The following TFEC variants were observed in gnomAD, a reference collection of about 807,000 sequenced individuals.
TFEC encodes transcription factor EC, also known as class E basic helix-loop-helix protein 34.
In TFEC, 31 loss-of-function variants were observed where a neutral mutation model predicts 41.6. That is an observed-to-expected ratio of 0.74 (90% confidence interval 0.56 to 1.01). The LOEUF (loss-of-function observed/expected upper bound fraction) is 1.01, where lower values mean the gene tolerates loss of function less well. Ranked by LOEUF, TFEC falls within the 50% of genes least tolerant of loss-of-function variation. The pLI is 0.00. For missense variants in TFEC, 402 were observed against 404.1 expected, an observed-to-expected ratio of 0.99 and a Z score of 0.04; for synonymous variants, 143 against 140.6, an observed-to-expected ratio of 1.02 and a Z score of -0.12.
At chr7:116,057,199 T>C (rs577877868) in intron 3 of TFEC, among the ~76,000 whole-genome samples, 38 of 152,110 alleles carry the variant, frequency 2.5e-4, no homozygotes, top group East Asian at 1.3e-3. Flanking sequence ...CTAAAATGTA[T>C]ATCATTACAG....
At chr7:116,085,690 A>G (rs913788227) in intron 3 of TFEC, among the ~76,000 whole-genome samples, 1 of 151,956 alleles carries the variant, frequency 6.6e-6, no homozygotes, top group South Asian at 2.1e-4. Flanking sequence ...AATGAGTCCA[A>G]AATGAAGCTA....
chr7:115,988,860 A>C (rs1165176247), intron 1 of TFEC, among the ~76,000 whole-genome samples: 2 of 152,106 alleles, frequency 1.3e-5, no homozygotes, highest in Non-Finnish European at 2.9e-5. Context: ...AAAAATCTAG[A>C]AGAAAAAGCA....
intron 1 of TFEC, among the ~76,000 whole-genome samples, chr7:116,148,765 A>T (rs1219217826): frequency 6.6e-6 from 1 of 151,742 alleles, no homozygotes; most frequent in African/African-American, 2.4e-5. Context: ...GATGCAAACC[A>T]GAAGTTGCAC....
In TFEC at chr7:115,939,177, A is replaced by G. The variant is rs922229136; in HGVS notation, c.*1374T>C. On this transcript the variant is annotated 3_prime_UTR_variant, in exon 8 of 8. Coordinates refer to ENST00000265440, the MANE Select transcript of TFEC (RefSeq NM_012252.4). Reference sequence around the variant, plus strand: ...TGTTTTTCATGCATTCTCATTAACTACCTTAGGAGTAAGACCATATCTTTT... The same window carrying G: ...TGTTTTTCATGCATTCTCATTAACTGCCTTAGGAGTAAGACCATATCTTTT... 2.0e-5 allele frequency: 3 copies of G among 152,026 alleles called. No homozygotes were observed. Among genetic ancestry groups the G allele is most frequent in the African/African-American group, 4.8e-5 (2 of 41,494 alleles). 9.4% of individuals were successfully genotyped at this position (152,026 alleles called of 1,614,324 possible).
chr7:116,142,893 A>G (rs564291554), intron 1 of TFEC, among the ~76,000 whole-genome samples: 1 of 152,348 alleles, frequency 6.6e-6, no homozygotes, highest in South Asian at 2.1e-4. Flanking sequence ...ATAATAAAAA[A>G]TTGAATGCCT....
intron 1 of TFEC, among the ~76,000 whole-genome samples, chr7:116,130,045 A>AACACACACACACACAC (rs56872188): frequency 2.2e-4 from 32 of 142,244 alleles, no homozygotes; most frequent in East Asian, 1.9e-3. Context: ...AACATGCAAG[A>AACACACACACACACAC]ACACACACAC....
chr7:116,093,714 A>G (rs1332260686), intron 3 of TFEC, among the ~76,000 whole-genome samples: 1 of 152,148 alleles, frequency 6.6e-6, no homozygotes, highest in East Asian at 1.9e-4. Flanking sequence ...ATATTATGAC[A>G]TCATTGATTT....
chr7:116,020,790 G>A (rs1480085832), intron 1 of TFEC, among the ~76,000 whole-genome samples: 1 of 151,856 alleles, frequency 6.6e-6, no homozygotes, highest in African/African-American at 2.4e-5. Context: ...TTAAGTACAG[G>A]AGATAGCATC....
chr7:115,989,595 G>A (rs1193300882), intron 1 of TFEC, among the ~76,000 whole-genome samples: 1 of 152,214 alleles, frequency 6.6e-6, no homozygotes, highest in East Asian at 1.9e-4. Context: ...TGGCTCAGAG[G>A]GTCCCATGCC....
At chr7:115,963,861 A>G (rs1043567482) in intron 3 of TFEC, among the ~76,000 whole-genome samples, 1 of 151,664 alleles carries the variant, frequency 6.6e-6, no homozygotes, top group African/African-American at 2.4e-5. Flanking sequence ...TACATTATGA[A>G]TGTACTTAAT....
chr7:116,011,859 C>T (rs1795014938), intron 1 of TFEC, among the ~76,000 whole-genome samples: 1 of 152,158 alleles, frequency 6.6e-6, no homozygotes, highest in African/African-American at 2.4e-5. Context: ...CCTCCTCTCT[C>T]TCTTTCTCTC....
At chr7:116,146,402 T>G (rs142159483) in intron 1 of TFEC, among the ~76,000 whole-genome samples, 3 of 152,200 alleles carry the variant, frequency 2.0e-5, no homozygotes, top group Non-Finnish European at 2.9e-5. Context: ...TTAGTGTCTA[T>G]GGAGATACCT....
intron 1 of TFEC, among the ~76,000 whole-genome samples, chr7:116,026,572 T>C (rs1357954965): frequency 2.0e-5 from 3 of 152,300 alleles, no homozygotes; most frequent in African/African-American, 7.2e-5. Context: ...AAATCACATA[T>C]TCTCTTCCTT....
chr7:116,053,157 A>G (rs1013310441), intron 3 of TFEC, among the ~76,000 whole-genome samples: 5 of 152,302 alleles, frequency 3.3e-5, no homozygotes, highest in East Asian at 3.9e-4. Context: ...TGAAGAATAT[A>G]TAAGTATGGA....
chr7:116,070,016 T>C (rs1273957202), intron 3 of TFEC, among the ~76,000 whole-genome samples: 1 of 151,444 alleles, frequency 6.6e-6, no homozygotes, highest in Non-Finnish European at 1.5e-5. Flanking sequence ...TTGTAGAATA[T>C]AAAAACATTA....
At chr7:115,962,053 G>A (rs1166576305) in intron 3 of TFEC, among the ~76,000 whole-genome samples, 1 of 151,414 alleles carries the variant, frequency 6.6e-6, no homozygotes, top group East Asian at 1.9e-4. Context: ...CATGAACCAT[G>A]AACAAACTGA....
chr7:116,125,294 G>T (rs1395864884), intron 1 of TFEC, among the ~76,000 whole-genome samples: 1 of 152,196 alleles, frequency 6.6e-6, no homozygotes, highest in African/African-American at 2.4e-5. Flanking sequence ...GCACTGAGTT[G>T]ATAAAGCAAG....
intron 1 of TFEC, among the ~76,000 whole-genome samples, chr7:116,155,788 G>A (rs1013979355): frequency 3.9e-5 from 6 of 151,904 alleles, no homozygotes; most frequent in Non-Finnish European, 7.4e-5. Context: ...CTTTGTCACG[G>A]GGCTGCCTAA....
intron 3 of TFEC, among the ~76,000 whole-genome samples, chr7:116,065,059 T>G (rs542024198): frequency 6.6e-6 from 1 of 152,294 alleles, no homozygotes; most frequent in South Asian, 2.1e-4. Flanking sequence ...ACCAGTTCTA[T>G]TCTCCAGAAT....
Sources: allele counts gnomAD v4.1 joint callset (sites outside exome capture counted in the v4.1 genomes callset), GRCh38; gene constraint gnomAD v4.1.1; transcripts MANE v1.5; gene names NCBI Gene and HGNC (gene_info 2026-07-23, HGNC 2026-07-21).